Variants in MEIS2 observed in about 807,000 individuals in gnomAD.
The protein encoded by MEIS2 is homeobox protein Meis2.
MEIS2 carries 9 observed loss-of-function variants against 58.6 expected under a neutral mutation model. The ratio of observed to expected loss-of-function variants is 0.15; its 90% CI spans 0.09 to 0.27. The LOEUF (loss-of-function observed/expected upper bound fraction) is 0.27, where lower values mean the gene tolerates loss of function less well. Ranked by LOEUF, MEIS2 falls within the 10% of genes least tolerant of loss-of-function variation. The probability of loss-of-function intolerance (pLI) is 1.00; values close to 1 mark genes in which losing one functional copy is unlikely to be tolerated. For missense variants in MEIS2, 427 were observed against 635.0 expected (o/e 0.67, Z 3.52); for synonymous variants, 221 against 228.4 (o/e 0.97, Z 0.29).
At chr15:36,987,132 G>T (rs2060118480) in intron 8 of MEIS2, among the ~76,000 whole-genome samples, 3 of 152,138 alleles carry the variant, frequency 2.0e-5, no homozygotes, top group Admixed American at 2.0e-4. Flanking sequence ...AGATGGTCAG[G>T]TGCCACGGCT....
At chr15:37,052,975 C>T (rs1455021543) in intron 7 of MEIS2, among the ~76,000 whole-genome samples, 1 of 152,110 alleles carries the variant, frequency 6.6e-6, no homozygotes, top group African/African-American at 2.4e-5. Flanking sequence ...CCCCATTCTG[C>T]CATGAAGAAA....
chr15:36,956,090 G>C (rs977043198), intron 8 of MEIS2, among the ~76,000 whole-genome samples: 15 of 148,778 alleles, frequency 1.0e-4, no homozygotes, highest in African/African-American at 3.2e-4. Flanking sequence ...CAGCTACTCG[G>C]GAGGCTGAGG....
intron 8 of MEIS2, among the ~76,000 whole-genome samples, chr15:36,988,983 T>A (rs2060183208): frequency 6.6e-6 from 1 of 152,342 alleles, no homozygotes; most frequent in South Asian, 2.1e-4. Context: ...GATGGGGTCC[T>A]GTTTTGTAGA....
In MEIS2 at chr15:37,094,511, G is replaced by C. The variant is rs1893956688; in HGVS notation, c.489+16C>G. The C allele has an allele frequency of 6.2e-7, 1 of 1,611,274 alleles. No homozygotes were observed. The highest frequency in any genetic ancestry group is 1.3e-5 in the African/African-American group (1 of 74,816). The stretch of plus-strand genomic sequence containing the variant: ...AAATGGTTTAATCAACACGGGGAGC[G>C]TTATTTCCTGCTTACCTTTTCTAAC... On this transcript the variant is annotated intron_variant, in intron 5 of 11. Transcript: ENST00000561208.
chr15:36,961,794 T>C (rs2059192078), intron 8 of MEIS2, among the ~76,000 whole-genome samples: 1 of 152,192 alleles, frequency 6.6e-6, no homozygotes, highest in African/African-American at 2.4e-5. Context: ...ATTTAAAATA[T>C]AAACATGTGA....
chr15:37,013,971 A>T (rs976084963), intron 8 of MEIS2, among the ~76,000 whole-genome samples: 1 of 152,160 alleles, frequency 6.6e-6, no homozygotes, highest in African/African-American at 2.4e-5. Context: ...GAAGAATCTC[A>T]GGGAGGAAGA....
intron 11 of MEIS2, among the ~76,000 whole-genome samples, chr15:36,893,468 A>G (rs1211943065): frequency 3.3e-5 from 5 of 152,228 alleles, no homozygotes; most frequent in African/African-American, 1.2e-4. Context: ...CACAGCCTGC[A>G]TAGTCCCAGC....
chr15:36,950,405 T>C lies in MEIS2; in HGVS notation c.901-5A>G. 2 of 1,611,714 alleles carry C rather than the reference T, an allele frequency of 1.2e-6. No homozygotes were observed. The highest frequency in any genetic ancestry group is 1.7e-6 in the Non-Finnish European group (2 of 1,178,292). ...CTCTTCGGAAGGGTACGGATGCTAA[T>C]GGAAAAACAAATGTTTTAAAAGATG... is the stretch of plus-strand genomic sequence containing the variant. On this transcript the variant is annotated splice_region_variant and splice_polypyrimidine_tract_variant and intron_variant, in intron 8 of 11. Coordinates refer to ENST00000561208, the MANE Select transcript of MEIS2 (RefSeq NM_170675.5).
At chr15:36,931,478 A>G (rs568312876) in intron 9 of MEIS2, among the ~76,000 whole-genome samples, 47 of 152,382 alleles carry the variant, frequency 3.1e-4, no homozygotes, top group African/African-American at 1.1e-3. Flanking sequence ...TGTTCAAAAT[A>G]ACACCAGCAT....
Position 37,006,915 on chromosome 15 carries a change from A to T in MEIS2, c.900+29899T>A, listed in dbSNP as rs980167363. ...GAAGGAAGGGGTTGGAAATTGTTAA[A>T]TATATATGAAAAGACTAAATCTGTG... On this transcript the variant is annotated intron_variant, in intron 8 of 11. Coordinates refer to ENST00000561208, the MANE Select transcript of MEIS2 (RefSeq NM_170675.5). Among the ~76,000 whole-genome samples the T allele has an allele frequency of 3.9e-5, 6 of 152,326 alleles. No individual in the cohort carries two copies. The East Asian group carries it at 1.2e-3, about 29-fold the overall frequency.
At chr15:36,992,305 A>C (rs2060325017) in intron 8 of MEIS2, among the ~76,000 whole-genome samples, 2 of 152,144 alleles carry the variant, frequency 1.3e-5, no homozygotes, top group South Asian at 4.1e-4. Flanking sequence ...GAAATTAATA[A>C]TTCAGCATCA....
chr15:36,992,030 G>A (rs967396459), intron 8 of MEIS2, among the ~76,000 whole-genome samples: 8 of 143,946 alleles, frequency 5.6e-5, no homozygotes, highest in East Asian at 2.1e-4. Flanking sequence ...CTCGTGATCC[G>A]CCCGCCTCGG....
chr15:37,073,880 T>C (rs910657178), intron 7 of MEIS2, among the ~76,000 whole-genome samples: 11 of 152,204 alleles, frequency 7.2e-5, no homozygotes, highest in African/African-American at 2.6e-4. Context: ...GGTTAAGGAA[T>C]AAGTGTTTTG....
At chr15:36,911,584 T>C (rs1355659641) in intron 9 of MEIS2, among the ~76,000 whole-genome samples, 1 of 152,214 alleles carries the variant, frequency 6.6e-6, no homozygotes, top group African/African-American at 2.4e-5. Flanking sequence ...CTTTCTTGTT[T>C]ACAGAGCTTA....
At chr15:37,094,410 A>G (rs779097670) in intron 5 of MEIS2, 117 bp downstream of exon 5, 16 of 951,366 alleles carry the variant, frequency 1.7e-5, no homozygotes, top group African/African-American at 6.5e-5. Flanking sequence ...ACATGGTTAC[A>G]TGCTCAAAAT....
chr15:36,936,665 TTAAA>T (rs1312727761), intron 9 of MEIS2, among the ~76,000 whole-genome samples: 1 of 152,216 alleles, frequency 6.6e-6, no homozygotes, highest in Non-Finnish European at 1.5e-5. Flanking sequence ...ATGCACTTCT[TTAAA>T]TAAAGATTTA....
At chr15:37,054,007 G>A (rs2063032237) in intron 7 of MEIS2, among the ~76,000 whole-genome samples, 1 of 152,180 alleles carries the variant, frequency 6.6e-6, no homozygotes, top group African/African-American at 2.4e-5. Context: ...GATAAAGCGA[G>A]TGAGGTCAAA....
chr15:37,004,600 T>A (rs1362154950), intron 8 of MEIS2, among the ~76,000 whole-genome samples: 1 of 152,250 alleles, frequency 6.6e-6, no homozygotes, highest in Non-Finnish European at 1.5e-5. Flanking sequence ...GCTTGCTCTT[T>A]GTACACGTCC....
chr15:36,907,099 A>G (rs11638196), intron 9 of MEIS2, among the ~76,000 whole-genome samples: 1 of 152,162 alleles, frequency 6.6e-6, no homozygotes, highest in African/African-American at 2.4e-5. Context: ...TTAAAACTGG[A>G]ATAGGAAAAT....
Sources: allele counts gnomAD v4.1 joint callset (sites outside exome capture counted in the v4.1 genomes callset), GRCh38; gene constraint gnomAD v4.1.1; transcripts MANE v1.5; gene names NCBI Gene and HGNC (gene_info 2026-07-23, HGNC 2026-07-21).